APP: variants seen among roughly 807,000 people sequenced by gnomAD.
APP encodes amyloid-beta precursor protein.
In APP, 31 loss-of-function variants were observed where a neutral mutation model predicts 101.4. The ratio of observed to expected loss-of-function variants is 0.31; its 90% CI spans 0.23 to 0.41. The LOEUF is 0.41. Ranked by LOEUF, APP falls within the 10% of genes least tolerant of loss-of-function variation. The pLI is 1.00. For missense variants in APP, 839 were observed against 1,003.7 expected, an observed-to-expected ratio of 0.84 and a Z score of 2.22; for synonymous variants, 366 against 364.4, an observed-to-expected ratio of 1.00 and a Z score of -0.05.
chr21:25,981,518 G>C (rs1006785287), intron 9 of APP, among the ~76,000 whole-genome samples: 1 of 152,166 alleles, frequency 6.6e-6, no homozygotes, highest in Non-Finnish European at 1.5e-5. Context: ...ATGAATGAAT[G>C]AATGAGGAAT....
intron 6 of APP, among the ~76,000 whole-genome samples, chr21:26,018,136 A>G (rs1448945778): frequency 3.3e-5 from 5 of 152,098 alleles, no homozygotes; most frequent in Admixed American, 3.3e-4. Context: ...AAAGTGTCTT[A>G]TTTTTCTTCC....
At chr21:26,103,326 A>C (rs1407928417) in intron 2 of APP, among the ~76,000 whole-genome samples, 4 of 152,124 alleles carry the variant, frequency 2.6e-5, no homozygotes, top group Non-Finnish European at 5.9e-5. Flanking sequence ...TGTCGATGGA[A>C]GGCTGGGTGC....
At chr21:26,150,917 A>C (rs1370469999) in intron 1 of APP, among the ~76,000 whole-genome samples, 2 of 152,182 alleles carry the variant, frequency 1.3e-5, no homozygotes, top group Non-Finnish European at 2.9e-5. Flanking sequence ...TTTTAAAGTA[A>C]ACAATAAACA....
intron 13 of APP, among the ~76,000 whole-genome samples, chr21:25,952,378 G>GCT (rs35118554): frequency 1.3e-5 from 2 of 148,804 alleles, no homozygotes; most frequent in African/African-American, 4.9e-5. Context: ...CCTAATGGCT[G>GCT]TTTTTTTTTT....
intron 7 of APP, among the ~76,000 whole-genome samples, chr21:25,998,734 T>A (rs1322396917): frequency 6.6e-6 from 1 of 152,166 alleles, no homozygotes; most frequent in Non-Finnish European, 1.5e-5. Context: ...GTTATCAAGC[T>A]GAGCTGAATA....
chr21:25,924,444 T>G (rs1601417912), intron 13 of APP, among the ~76,000 whole-genome samples: 2 of 45,388 alleles, frequency 4.4e-5, no homozygotes, highest in Non-Finnish European at 1.1e-4. Context: ...AAAAAAAGGT[T>G]GAGTTCATGT....
chr21:26,007,828 G>T (rs2043604827), intron 6 of APP, among the ~76,000 whole-genome samples: 1 of 152,110 alleles, frequency 6.6e-6, no homozygotes, highest in Admixed American at 6.6e-5. Flanking sequence ...GTACGTAGTG[G>T]CAAGCAGTCG....
chr21:26,100,489 A>ATAG (rs1168272780), intron 2 of APP, among the ~76,000 whole-genome samples: 2 of 152,238 alleles, frequency 1.3e-5, no homozygotes, highest in African/African-American at 4.8e-5. Flanking sequence ...GATAATGTAT[A>ATAG]TAGTATACCT....
In APP at chr21:25,904,885, A is replaced by G. The variant is rs2038707697; in HGVS notation, c.1963+139T>C. On this transcript the variant is annotated intron_variant, in intron 15 of 17. Transcript: ENST00000346798. Reference sequence around the variant, plus strand: ...GGAATAGTCAAGGGGAATTTTTAAAAGTTTGGTTTCTAAGGTCACTTCAAA... The same window carrying G: ...GGAATAGTCAAGGGGAATTTTTAAAGGTTTGGTTTCTAAGGTCACTTCAAA... 3 of 749,114 alleles carry G rather than the reference A, an allele frequency of 4.0e-6. No homozygotes were observed. The Admixed American group carries it at 6.2e-5, about 15-fold the overall frequency. The allele number at this position is 749,114 out of a possible 1,614,324, so 46.4% of individuals were successfully genotyped here.
intron 3 of APP, among the ~76,000 whole-genome samples, chr21:26,082,558 C>G (rs534956717): frequency 1.8e-4 from 27 of 152,170 alleles, no homozygotes; most frequent in Non-Finnish European, 2.8e-4. Context: ...TTAAAAACTA[C>G]TACTCTTATC....
At chr21:25,938,750 C>T (rs189267102) in intron 13 of APP, among the ~76,000 whole-genome samples, 2 of 152,076 alleles carry the variant, frequency 1.3e-5, no homozygotes, top group Non-Finnish European at 2.9e-5. Context: ...CCGAAGACAC[C>T]GACAAATACC....
chr21:25,986,165 C>G (rs760008273), intron 8 of APP, among the ~76,000 whole-genome samples: 4 of 152,042 alleles, frequency 2.6e-5, no homozygotes, highest in Non-Finnish European at 5.9e-5. Context: ...AAGGTACTTC[C>G]TTTTGGGAAG....
At chr21:26,037,474 T>C (rs1031792057) in intron 5 of APP, among the ~76,000 whole-genome samples, 1 of 152,200 alleles carries the variant, frequency 6.6e-6, no homozygotes, top group Non-Finnish European at 1.5e-5. Flanking sequence ...TTATTACATG[T>C]CAATTTTTAA....
intron 3 of APP, among the ~76,000 whole-genome samples, chr21:26,084,227 ATTTTTTTTTTTTT>A (rs869179482): frequency 7.1e-4 from 59 of 83,064 alleles, no homozygotes; most frequent in African/African-American, 8.0e-4. Flanking sequence ...GAAGGGCTCC[ATTTTTTTTTTTTT>A]TTTTTTTTTT....
At chr21:26,070,721 T>C (rs928026356) in intron 3 of APP, among the ~76,000 whole-genome samples, 5 of 152,096 alleles carry the variant, frequency 3.3e-5, no homozygotes, top group Admixed American at 1.3e-4. Context: ...GAAGAACATA[T>C]ATAATTTGAG....
chr21:26,101,095 CTTTTTTT>C (rs35407047), intron 2 of APP, among the ~76,000 whole-genome samples: 32 of 79,352 alleles, frequency 4.0e-4, no homozygotes, highest in East Asian at 8.8e-4. Flanking sequence ...TTTTTTTTTC[CTTTTTTT>C]TTTTTTTTTT....
At chr21:26,126,272 TTAGAA>T (rs1433588947) in intron 1 of APP, among the ~76,000 whole-genome samples, 1 of 152,186 alleles carries the variant, frequency 6.6e-6, no homozygotes, top group Non-Finnish European at 1.5e-5. Context: ...TTTTAGGTAA[TTAGAA>T]TAGAAGTGCC....
At chr21:26,124,241 T>C (rs528186275) in intron 1 of APP, among the ~76,000 whole-genome samples, 24 of 152,322 alleles carry the variant, frequency 1.6e-4, no homozygotes, top group African/African-American at 5.8e-4. Context: ...AAATTTTTTA[T>C]TGTGGCACCA....
intron 6 of APP, among the ~76,000 whole-genome samples, chr21:26,005,307 G>A (rs549411814): frequency 3.3e-5 from 5 of 152,154 alleles, no homozygotes; most frequent in Admixed American, 6.5e-5. Context: ...TCACCTACTC[G>A]CGAGGCCGAA....
Sources: allele counts gnomAD v4.1 joint callset (sites outside exome capture counted in the v4.1 genomes callset), GRCh38; gene constraint gnomAD v4.1.1; transcripts MANE v1.5; gene names NCBI Gene and HGNC (gene_info 2026-07-23, HGNC 2026-07-21).